Variants in ZEB2 observed in about 807,000 individuals in gnomAD.
ZEB2 encodes the protein zinc finger E-box binding homeobox 2.
ZEB2 carries 6 observed loss-of-function variants against 99.9 expected under a neutral mutation model. The observed-to-expected ratio is 0.06, with a 90% CI of 0.03 to 0.12. ZEB2 has a LOEUF of 0.12. Among genes scored for constraint, ZEB2 ranks in the 10% least tolerant of loss-of-function variants. The pLI is 1.00. For missense variants in ZEB2, 969 were observed against 1,502.8 expected (o/e 0.64, Z 5.87); for synonymous variants, 517 against 542.5 (o/e 0.95, Z 0.65).
chr2:144,516,316 G>T (rs1705142086), intron 2 of ZEB2: 3 of 144,098 alleles, frequency 2.1e-5, no homozygotes, highest in African/African-American at 5.2e-5. Context: ...TTATTCCCAC[G>T]ATTTTGTTTG....
intron 2 of ZEB2, among the ~76,000 whole-genome samples, chr2:144,431,851 G>A (rs1027672815): frequency 7.2e-6 from 1 of 139,348 alleles, no homozygotes; most frequent in African/African-American, 2.6e-5. Flanking sequence ...GGGAATGGGG[G>A]GGCTACAACA....
intron 2 of ZEB2, among the ~76,000 whole-genome samples, chr2:144,468,114 G>A (rs1481556032): frequency 6.6e-6 from 1 of 152,124 alleles, no homozygotes; most frequent in Non-Finnish European, 1.5e-5. Context: ...AGGCACATCT[G>A]CCTATAGAGT....
At chr2:144,407,068 AAC>A (rs1703397664) in intron 4 of ZEB2, among the ~76,000 whole-genome samples, 1 of 152,246 alleles carries the variant, frequency 6.6e-6, no homozygotes, top group African/African-American at 2.4e-5. Context: ...CAAAGCAAAG[AAC>A]ACTAGAATTC....
At chr2:144,486,789 A>C (rs549040292) in intron 2 of ZEB2, among the ~76,000 whole-genome samples, 1 of 152,350 alleles carries the variant, frequency 6.6e-6, no homozygotes, top group East Asian at 1.9e-4. Flanking sequence ...AAAACATGCA[A>C]AACACTGGGA....
At chr2:144,444,869 G>T (rs1246155698) in intron 2 of ZEB2, 1 of 152,160 alleles carries the variant, frequency 6.6e-6, no homozygotes, top group African/African-American at 2.4e-5. Context: ...GAACACCAAG[G>T]TTTTGATACA....
intron 8 of ZEB2, among the ~76,000 whole-genome samples, chr2:144,396,824 T>A (rs1418625853): frequency 6.6e-6 from 1 of 152,166 alleles, no homozygotes; most frequent in Non-Finnish European, 1.5e-5. Flanking sequence ...CACTGTTTTT[T>A]AAGGACAGGA....
rs76911055 is a variant in ZEB2 at position 144,433,810 on chromosome 2, A to G, written c.74-3784T>C. ...TGGTTTCTCTTCCTTGCCTATACATATAACTTTTATTTTCAGATTTTTGTG... is the reference window on the plus strand; with the variant it reads ...TGGTTTCTCTTCCTTGCCTATACATGTAACTTTTATTTTCAGATTTTTGTG... On this transcript the variant is annotated intron_variant, in intron 2 of 9. Coordinates refer to ENST00000627532, the MANE Select transcript of ZEB2 (RefSeq NM_014795.4). Among the ~76,000 whole-genome samples the G allele has an allele frequency of 5.3e-3, 805 of 152,288 alleles. 6 individuals carry two copies. Among genetic ancestry groups the G allele is most frequent in the African/African-American group, 0.018 (762 of 41,558 alleles).
At chr2:144,433,859 G>A (rs1435728397) in intron 2 of ZEB2, among the ~76,000 whole-genome samples, 1 of 152,100 alleles carries the variant, frequency 6.6e-6, no homozygotes, top group African/African-American at 2.4e-5. Flanking sequence ...TAATAGAATA[G>A]TAGCAAAATT....
At chr2:144,461,105 T>C (rs1336180599) in intron 2 of ZEB2, 1 of 150,990 alleles carries the variant, frequency 6.6e-6, no homozygotes, top group Non-Finnish European at 1.5e-5. Flanking sequence ...TTTTCTTTTT[T>C]TTTTTTATCA....
chr2:144,512,536 AGG>A (rs1705058277), intron 2 of ZEB2: 2 of 1,287,126 alleles, frequency 1.6e-6, no homozygotes, highest in Non-Finnish European at 2.0e-6. Flanking sequence ...GCAGTTGAGC[AGG>A]GAACTTTAAT....
At chr2:144,430,720 C>A (rs903975359) in intron 2 of ZEB2, 5 of 158,982 alleles carry the variant, frequency 3.1e-5, no homozygotes, top group Admixed American at 2.6e-4. Context: ...CAGGCAAGAC[C>A]AACACAAATG....
chr2:144,496,290 C>T (rs1460501223), intron 2 of ZEB2: 2 of 152,232 alleles, frequency 1.3e-5, no homozygotes, highest in Admixed American at 1.3e-4. Flanking sequence ...TCAGCAAGAA[C>T]AGTGTTCCAG....
intron 2 of ZEB2, among the ~76,000 whole-genome samples, chr2:144,453,039 T>C (rs1704075989): frequency 6.6e-6 from 1 of 152,226 alleles, no homozygotes; most frequent in African/African-American, 2.4e-5. Context: ...AGTTTCTATA[T>C]TATAGGTCCT....
intron 4 of ZEB2, among the ~76,000 whole-genome samples, chr2:144,408,748 G>A (rs897265815): frequency 6.6e-6 from 1 of 152,166 alleles, no homozygotes; most frequent in African/African-American, 2.4e-5. Context: ...TACCCAAGGA[G>A]CTGCTGTGTT....
rs573848696 is a variant in ZEB2 at position 144,390,903 on chromosome 2, A to G, written c.3068-875T>C. On this transcript the variant is annotated intron_variant, in intron 9 of 9. Transcript: ENST00000627532. ...ACACCTTCCATAGCTGCCATACTTG[A>G]AAGTTTATTTCCAAAATAGAACTGA... 8.5e-5 allele frequency among the ~76,000 whole-genome samples: 13 copies of G among 152,342 alleles called. No individual in the cohort carries two copies. The South Asian group carries it at 2.7e-3, about 32-fold the overall frequency.
At chr2:144,518,472 C>A (rs1218191275) in intron 1 of ZEB2, 2 of 152,146 alleles carry the variant, frequency 1.3e-5, no homozygotes, top group Non-Finnish European at 2.9e-5. Flanking sequence ...CAGATGCAAA[C>A]TGTAACACAA....
At chr2:144,395,874 T>A (rs1703222484) in intron 9 of ZEB2, among the ~76,000 whole-genome samples, 1 of 152,142 alleles carries the variant, frequency 6.6e-6, no homozygotes, top group Non-Finnish European at 1.5e-5. Flanking sequence ...CAAATATAGG[T>A]GGTTTCAAGT....
At chr2:144,517,643 G>A (rs768088677) in intron 1 of ZEB2, 1 of 699,940 alleles carries the variant, frequency 1.4e-6, no homozygotes, top group South Asian at 1.5e-5. Context: ...GAGGGGATCA[G>A]AGAGACAAGA....
intron 2 of ZEB2, among the ~76,000 whole-genome samples, chr2:144,431,571 G>A (rs1242326629): frequency 6.6e-6 from 1 of 151,878 alleles, no homozygotes; most frequent in Non-Finnish European, 1.5e-5. Flanking sequence ...CTGCTGACCT[G>A]GTTTGAATAC....
Sources: allele counts gnomAD v4.1 joint callset (sites outside exome capture counted in the v4.1 genomes callset), GRCh38; gene constraint gnomAD v4.1.1; transcripts MANE v1.5; gene names NCBI Gene and HGNC (gene_info 2026-07-23, HGNC 2026-07-21).